Variants in CBLN2 observed in about 807,000 individuals in gnomAD.
CBLN2 encodes the protein cerebellin 2 precursor.
In CBLN2, 7 loss-of-function variants were observed where a neutral mutation model predicts 15.0. The ratio of observed to expected loss-of-function variants is 0.47; its 90% CI spans 0.27 to 0.88. CBLN2 has a LOEUF of 0.88. CBLN2 is among the 40% of genes least tolerant of loss of function. The pLI, the probability that CBLN2 is intolerant of heterozygous loss-of-function variation, is 0.14. For synonymous variants in CBLN2, 149 were observed against 135.2 expected (o/e 1.10, Z -0.71); for missense variants, 242 against 304.5 (o/e 0.79, Z 1.53).
chr18:72,605,907 C>T (rs976433027), intron 1 of CBLN2, among the ~76,000 whole-genome samples: 1 of 152,168 alleles, frequency 6.6e-6, no homozygotes, highest in East Asian at 2.0e-4. Flanking sequence ...CAACCAAACA[C>T]TACAATGGCA....
At chr18:72,554,329 T>C (rs1223760388) in intron 1 of CBLN2, among the ~76,000 whole-genome samples, 2 of 152,044 alleles carry the variant, frequency 1.3e-5, no homozygotes, top group Admixed American at 1.3e-4. Flanking sequence ...ACATTTTCTT[T>C]AACCGGCCTT....
At chr18:72,549,769 G>T (rs1568252516) in intron 1 of CBLN2, among the ~76,000 whole-genome samples, 1 of 152,098 alleles carries the variant, frequency 6.6e-6, no homozygotes, top group Non-Finnish European at 1.5e-5. Flanking sequence ...TTTTTAATTG[G>T]TAGCTAGGGG....
rs2069130583 is a variant in CBLN2, at chr18:72,543,103, T to TCTCCAGC, written c.-167+382_-167+383insGCTGGAG. The TCTCCAGC allele has an allele frequency of 5.6e-6, 1 of 178,106 alleles. No homozygotes were observed. Among genetic ancestry groups the TCTCCAGC allele is most frequent in the Admixed American group, 6.3e-5 (1 of 15,960 alleles). 11.0% of individuals were successfully genotyped at this position (178,106 alleles called of 1,614,324 possible). On this transcript the variant is annotated intron_variant, in intron 2 of 4. Coordinates refer to ENST00000269503, the MANE Select transcript of CBLN2 (RefSeq NM_182511.4). The surrounding 1 kb of genome is among the most constrained non-coding windows in gnomAD (Gnocchi z 6.8). ...GCTTGGGTTATTCTCCAGCTCTGGT[T>TCTCCAGC]TCCAGACCACGGGGATTCTCTCTTT...
chr18:72,613,065 T>C (rs1424452311), intron 1 of CBLN2, among the ~76,000 whole-genome samples: 1 of 152,184 alleles, frequency 6.6e-6, no homozygotes. Flanking sequence ...ATCTGTGCCT[T>C]CTTCTCTTTG....
chr18:72,579,308 C>A (rs2069388034), intron 1 of CBLN2, among the ~76,000 whole-genome samples: 1 of 152,130 alleles, frequency 6.6e-6, no homozygotes, highest in Non-Finnish European at 1.5e-5. Context: ...ACATATATAA[C>A]TCGCCATAAT....
At chr18:72,634,721 A>G (rs929821283) in intron 1 of CBLN2, among the ~76,000 whole-genome samples, 1 of 152,192 alleles carries the variant, frequency 6.6e-6, no homozygotes, top group Non-Finnish European at 1.5e-5. Context: ...TCTACAAAGT[A>G]ATAATCTTTA....
intron 1 of CBLN2, among the ~76,000 whole-genome samples, chr18:72,594,418 C>T (rs1251232229): frequency 6.6e-6 from 1 of 150,994 alleles, no homozygotes; most frequent in East Asian, 1.9e-4. Context: ...CATCAATGTT[C>T]ATCATGGATA....
intron 1 of CBLN2, among the ~76,000 whole-genome samples, chr18:72,553,016 T>G (rs947807497): frequency 2.0e-5 from 3 of 152,228 alleles, no homozygotes; most frequent in African/African-American, 7.2e-5. Context: ...TTGGAAATAT[T>G]TGTTTAAATG....
At chr18:72,557,930 A>T (rs2069236762) in intron 1 of CBLN2, among the ~76,000 whole-genome samples, 1 of 152,140 alleles carries the variant, frequency 6.6e-6, no homozygotes, top group African/African-American at 2.4e-5. Flanking sequence ...TATGTTTTTT[A>T]AAAAAGTAAG....
Position 72,552,881 on chromosome 18 carries a change from G to A in CBLN2, c.16-14109C>T, listed in dbSNP as rs530959387. ...ATAGTAGGAGAAAGGGAAACATTGC[G>A]AAAATTGTTTCAGAAGAGGTTACTA... On this transcript the variant is annotated intron_variant, in intron 1 of 2. Coordinates refer to the CBLN2 transcript ENST00000581073. 7.9e-5 allele frequency among the ~76,000 whole-genome samples: 12 copies of A among 152,242 alleles called. No homozygotes were observed. The South Asian group carries it at 8.3e-4, about 11-fold the overall frequency.
chr18:72,576,662 A>G (rs2069368798), intron 1 of CBLN2, among the ~76,000 whole-genome samples: 1 of 152,086 alleles, frequency 6.6e-6, no homozygotes. Context: ...TTTATTTAGT[A>G]TCTATTCTGT....
At chr18:72,625,262 G>A (rs2069728361) in intron 1 of CBLN2, 1 of 152,138 alleles carries the variant, frequency 6.6e-6, no homozygotes, top group Non-Finnish European at 1.5e-5. Flanking sequence ...ACTACTTTGT[G>A]TATTTCATGC....
intron 1 of CBLN2, among the ~76,000 whole-genome samples, chr18:72,565,426 A>T (rs2069288283): frequency 6.6e-6 from 1 of 152,190 alleles, no homozygotes; most frequent in Admixed American, 6.5e-5. Flanking sequence ...GTTAAAAATA[A>T]AAATGGTCAA....
At chr18:72,605,843 C>T (rs1432075) in intron 1 of CBLN2, among the ~76,000 whole-genome samples, 31,696 of 152,240 alleles carry the variant, frequency 0.21, 5,126 homozygotes, top group African/African-American at 0.45. Context: ...TTAGATGTTA[C>T]TTTTATTTCT....
intron 1 of CBLN2, among the ~76,000 whole-genome samples, chr18:72,570,541 C>T (rs550217555): frequency 2.0e-5 from 3 of 152,128 alleles, no homozygotes. Flanking sequence ...AGCCACTGTG[C>T]CCAGCCAGCC....
intron 1 of CBLN2, among the ~76,000 whole-genome samples, chr18:72,620,984 T>C (rs996738463): frequency 6.6e-6 from 1 of 152,196 alleles, no homozygotes; most frequent in Admixed American, 6.5e-5. Context: ...TTAGAAGAGA[T>C]CCTGAGCTTT....
At chr18:72,578,392 A>C (rs2144915188) in intron 1 of CBLN2, among the ~76,000 whole-genome samples, 1 of 152,334 alleles carries the variant, frequency 6.6e-6, no homozygotes, top group South Asian at 2.1e-4. Flanking sequence ...ATATTGAGGT[A>C]ATGGAGACAC....
In CBLN2 at chr18:72,542,182, C is replaced by T. The variant is rs1461126376; in HGVS notation, c.-22G>A. 12 of 1,210,210 alleles carry T rather than the reference C, an allele frequency of 9.9e-6. No homozygotes were observed. The highest frequency in any genetic ancestry group is 1.1e-5 in the Non-Finnish European group (11 of 975,754). The allele number at this position is 1,210,210 out of a possible 1,614,324, so 75.0% of individuals were successfully genotyped here. A position where few individuals can be genotyped will look rare whatever the true frequency, so the allele number is the denominator to read the frequency against. On this transcript the variant is annotated 5_prime_UTR_variant, in exon 3 of 5. Coordinates refer to ENST00000269503, the MANE Select transcript of CBLN2 (RefSeq NM_182511.4). ...GCATCGGGACTGGTGGGAGGCGGCG[C>T]GCGGGGGTGGAGGCCGGCGCCGGCG...
At chr18:72,593,449 C>T (rs2144933142) in intron 1 of CBLN2, among the ~76,000 whole-genome samples, 1 of 152,190 alleles carries the variant, frequency 6.6e-6, no homozygotes, top group African/African-American at 2.4e-5. Context: ...ATTATAACAT[C>T]TACAAAAAAG....
Sources: allele counts gnomAD v4.1 joint callset (sites outside exome capture counted in the v4.1 genomes callset), GRCh38; gene constraint gnomAD v4.1.1; non-coding constraint Gnocchi (gnomAD v3.1); transcripts MANE v1.5; gene names NCBI Gene and HGNC (gene_info 2026-07-23, HGNC 2026-07-21).